The following TEX26 variants were observed in gnomAD, a reference collection of about 807,000 sequenced individuals.
TEX26 encodes testis expressed 26.
A neutral mutation model predicts 35.3 loss-of-function variants in TEX26; 34 were observed. The ratio of observed to expected loss-of-function variants is 0.96; its 90% CI spans 0.73 to 1.28. The LOEUF (loss-of-function observed/expected upper bound fraction) is 1.28, where lower values mean the gene tolerates loss of function less well. Ranked by LOEUF, TEX26 falls within the 50% of genes most tolerant of loss-of-function variation. The pLI is 0.00. For missense variants in TEX26, 371 were observed against 330.1 expected (o/e 1.12, Z -0.96); for synonymous variants, 136 against 111.8 (o/e 1.22, Z -1.36).
Position 30,932,763 on chromosome 13 carries a change from C to T in TEX26, c.48C>T (p.His16=), listed in dbSNP as rs1953117588. The T allele has an allele frequency of 6.2e-7, 1 of 1,614,004 alleles. No homozygotes were observed. The highest frequency in any genetic ancestry group is 1.1e-5 in the South Asian group (1 of 91,050). ...CTCCGGATCCCTCTCTCTGCCACCA[C>T]AACCTCCAGCCAAGTAAGACAGCAG... ...PRAPDPSLCH[H]NLQPTDDPNW... is the part of the protein sequence containing the mutation. The change falls in exon 1 of 7, where the codon CAC becomes CAT. Residue 16 remains histidine, a synonymous_variant. Coordinates refer to ENST00000380473, the MANE Select transcript of TEX26 (RefSeq NM_152325.3).
At chr13:30,971,188 C>G (rs1185541824) in intron 6 of TEX26, among the ~76,000 whole-genome samples, 1 of 152,222 alleles carries the variant, frequency 6.6e-6, no homozygotes, top group Non-Finnish European at 1.5e-5. Flanking sequence ...CCTCTGAATT[C>G]TTGTGCCCAA....
intron 4 of TEX26, among the ~76,000 whole-genome samples, chr13:30,958,348 G>A (rs9532896): frequency 0.96 from 146,390 of 152,342 alleles, 70,566 homozygotes; most frequent in East Asian, 1. Flanking sequence ...TATATTTTTA[G>A]ACGCACAGAC....
chr13:30,958,648 C>G (rs1165333556), intron 4 of TEX26, among the ~76,000 whole-genome samples: 1 of 152,170 alleles, frequency 6.6e-6, no homozygotes, highest in Non-Finnish European at 1.5e-5. Context: ...AACCATCAAT[C>G]CCTGTGAGCT....
intron 4 of TEX26, 58 bp downstream of exon 4, chr13:30,957,087 G>A: frequency 6.5e-7 from 1 of 1,548,810 alleles, no homozygotes; most frequent in Non-Finnish European, 8.8e-7. Context: ...TGGAGTTGCA[G>A]TGGTCGGCAG....
intron 4 of TEX26, among the ~76,000 whole-genome samples, chr13:30,961,627 T>C (rs1331847): frequency 0.4 from 61,488 of 152,142 alleles, 14,597 homozygotes; most frequent in East Asian, 0.68. Flanking sequence ...ATACAATCCA[T>C]TGAGTTTAAT....
chr13:30,935,534 T>G (rs1445685888), intron 1 of TEX26, among the ~76,000 whole-genome samples: 1 of 152,050 alleles, frequency 6.6e-6, no homozygotes, highest in African/African-American at 2.4e-5. Context: ...TGTAGAGGAG[T>G]ATGCTCTCTG....
At chr13:30,942,979 T>C (rs192577633) in intron 2 of TEX26, among the ~76,000 whole-genome samples, 1 of 152,276 alleles carries the variant, frequency 6.6e-6, no homozygotes, top group Non-Finnish European at 1.5e-5. Flanking sequence ...TGGGCTCTCT[T>C]TTGGTTCTGT....
At chr13:30,968,621 G>T (rs1954617783) in intron 5 of TEX26, among the ~76,000 whole-genome samples, 1 of 152,156 alleles carries the variant, frequency 6.6e-6, no homozygotes, top group South Asian at 2.1e-4. Context: ...TTCTGAAAGT[G>T]ATGGTCAAAC....
rs10523710 is a variant in TEX26 at position 30,966,432 on chromosome 13, C to CTTTTTTTTTTTT, written c.646+45_646+56dup. Reference sequence around the variant, plus strand: ...AGCTGCAGTTTCTTTTTCTTTTTCTCTTTTTTTTTTTTTTTTTTTTTTGAG... The same window carrying CTTTTTTTTTTTT: ...AGCTGCAGTTTCTTTTTCTTTTTCTCTTTTTTTTTTTTTTTTTTTTTTTTTTTTTTTTTTGAG... On this transcript the variant is annotated intron_variant, in intron 5 of 6. Transcript: ENST00000380473. 5 of 847,870 alleles carry CTTTTTTTTTTTT rather than the reference C, an allele frequency of 5.9e-6. No homozygotes were observed. In the African/African-American group the frequency reaches 9.4e-5, roughly 16 times the overall value. The allele number at this position is 847,870 out of a possible 1,614,324, so 52.5% of individuals were successfully genotyped here.
intron 2 of TEX26, among the ~76,000 whole-genome samples, chr13:30,940,916 T>C (rs1314027702): frequency 1.3e-5 from 2 of 152,056 alleles, no homozygotes; most frequent in Non-Finnish European, 2.9e-5. Context: ...CCAGCCTGTG[T>C]GACACAGCGA....
Position 30,975,211 on chromosome 13 carries a change from T to C in TEX26, c.*304T>C, listed in dbSNP as rs536769622. The C allele has an allele frequency of 1.2e-3, 217 of 188,304 alleles. 1 individual carries two copies. Among genetic ancestry groups the C allele is most frequent in the South Asian group, 6.9e-3 (39 of 5,648 alleles). 11.7% of individuals were successfully genotyped at this position (188,304 alleles called of 1,614,324 possible). A position where few individuals can be genotyped will look rare whatever the true frequency, so the allele number is the denominator to read the frequency against. On this transcript the variant is annotated 3_prime_UTR_variant, in exon 7 of 7. Transcript: ENST00000380473. ...GATTTCTCCTGTGAACTAGGAATTATGTGGAAGAGATTTCTTAATGTCCCA... is the reference window on the plus strand; with the variant it reads ...GATTTCTCCTGTGAACTAGGAATTACGTGGAAGAGATTTCTTAATGTCCCA...
intron 3 of TEX26, among the ~76,000 whole-genome samples, chr13:30,956,483 C>G (rs904061784): frequency 2.0e-5 from 3 of 152,134 alleles, no homozygotes; most frequent in Admixed American, 2.0e-4. Flanking sequence ...GCTGAGGCCT[C>G]TGCATGTAAG....
intron 2 of TEX26, among the ~76,000 whole-genome samples, chr13:30,945,502 C>T (rs982981895): frequency 6.6e-6 from 1 of 151,572 alleles, no homozygotes; most frequent in African/African-American, 2.4e-5. Flanking sequence ...TAATTGCTAC[C>T]TAGATACTTT....
chr13:30,943,313 A>G (rs1470048320), intron 2 of TEX26, among the ~76,000 whole-genome samples: 1 of 152,118 alleles, frequency 6.6e-6, no homozygotes, highest in Non-Finnish European at 1.5e-5. Context: ...TGTTGTATAT[A>G]GCAGTGCTAC....
intron 6 of TEX26, among the ~76,000 whole-genome samples, chr13:30,969,791 T>G (rs776679374): frequency 3.3e-5 from 5 of 152,204 alleles, no homozygotes; most frequent in Admixed American, 6.5e-5. Context: ...CCAACTAAAC[T>G]AATGTATCAC....
rs754031436 is a variant in TEX26, at chr13:30,975,099, G to T, written c.*192G>T. 4.7e-5 allele frequency: 21 copies of T among 449,688 alleles called. No homozygotes were observed. Among genetic ancestry groups the T allele is most frequent in the Non-Finnish European group, 5.8e-5 (15 of 257,346 alleles). 27.9% of individuals were successfully genotyped at this position (449,688 alleles called of 1,614,324 possible). A position where few individuals can be genotyped will look rare whatever the true frequency, so the allele number is the denominator to read the frequency against. On this transcript the variant is annotated 3_prime_UTR_variant, in exon 7 of 7. Transcript: ENST00000380473. Reference sequence around the variant, plus strand: ...AAATTAAGGCTACAAAATTTTCCCTGAACATAGCTTTAGCTGTATCCAATA... The same window carrying T: ...AAATTAAGGCTACAAAATTTTCCCTTAACATAGCTTTAGCTGTATCCAATA...
intron 5 of TEX26, among the ~76,000 whole-genome samples, chr13:30,968,303 A>C (rs572056639): frequency 1.4e-3 from 212 of 152,260 alleles, no homozygotes; most frequent in Non-Finnish European, 1.9e-3. Flanking sequence ...GTTCAGTGGT[A>C]GCAGCCCCCA....
chr13:30,964,295 G>A (rs897357954), intron 4 of TEX26, among the ~76,000 whole-genome samples: 4 of 152,160 alleles, frequency 2.6e-5, no homozygotes, highest in African/African-American at 9.7e-5. Context: ...GATGTATTCT[G>A]AGAGACCCTT....
At chr13:30,948,732 C>T (rs1376700325) in intron 2 of TEX26, among the ~76,000 whole-genome samples, 2 of 152,096 alleles carry the variant, frequency 1.3e-5, no homozygotes, top group African/African-American at 4.8e-5. Context: ...TGTGCAGAAG[C>T]TCTTTAGTTT....
Sources: gnomAD v4.1 joint callset for allele counts (sites outside exome capture counted in the v4.1 genomes callset) on GRCh38, gnomAD v4.1.1 for gene constraint, MANE v1.5 for transcripts, NCBI Gene and HGNC (gene_info 2026-07-23, HGNC 2026-07-21) for gene names.